Variants in CAPN8 observed in about 807,000 individuals in gnomAD.
The protein encoded by CAPN8 is calpain 8.
CAPN8 carries 87 observed loss-of-function variants against 80.9 expected under a neutral mutation model. The observed-to-expected ratio is 1.07, with a 90% CI of 0.90 to 1.28. CAPN8 has a LOEUF of 1.28. Ranked by LOEUF, CAPN8 falls within the 50% of genes most tolerant of loss-of-function variation. The pLI is 0.00. For synonymous variants in CAPN8, 299 were observed against 273.8 expected (o/e 1.09, Z -0.91); for missense variants, 757 against 702.0 (o/e 1.08, Z -0.89).
Position 223,543,108 on chromosome 1 carries a change from CT to C in CAPN8, c.2087del (p.Glu696GlyfsTer34), listed in dbSNP as rs1470578249. On this transcript the variant is annotated frameshift_variant and splice_region_variant, in exon 20 of 21. Transcript: ENST00000366872. LOFTEE classifies it high-confidence loss of function. ...KDGMVQLSLA[E>X]WLCCVLV Reference sequence around the variant, plus strand: ...ATTCATCAAACCTCAGGACATTCACCTCGGCCAGAGAGAGCTGAACCATGCC... The same window carrying C: ...ATTCATCAAACCTCAGGACATTCACCCGGCCAGAGAGAGCTGAACCATGCC... The C allele has an allele frequency of 6.4e-7, 1 of 1,551,540 alleles. No homozygotes were observed. Among genetic ancestry groups the C allele is most frequent in the African/African-American group, 1.4e-5 (1 of 73,036 alleles).
chr1:223,625,967 A>G (rs1165176723), intron 5 of CAPN8, 79 bp from the exon 6 acceptor site: 5 of 1,141,418 alleles, frequency 4.4e-6, no homozygotes, highest in Non-Finnish European at 5.1e-6. Context: ...CCAAGGACAC[A>G]CTACACAGCC....
rs537025645 is a variant in CAPN8 at position 223,663,373 on chromosome 1, G to C, written c.237+2037C>G. Among the ~76,000 whole-genome samples, 3 of 152,250 alleles carry C rather than the reference G, an allele frequency of 2.0e-5. No homozygotes were observed. The South Asian group carries it at 6.2e-4, about 32-fold the overall frequency. On this transcript the variant is annotated intron_variant, in intron 1 of 20. Coordinates refer to ENST00000366872, the MANE Select transcript of CAPN8 (RefSeq NM_001143962.2). ...CTCTCCCCCAAGACCCTTGGGATCT[G>C]CAATGGTACCCCTCCCTAAGGCTTT...
rs1246808896 is a variant in CAPN8 at position 223,609,247 on chromosome 1, G to A, written c.1441C>T (p.Pro481Ser). ...REVSGRARLP[P>S]GEYLVVPSTF... ...GATGGCACCACCAGGTACTCCCCAG[G>A]GGGCAGCCGGGCCCGGCCAGAGACC... The change falls in exon 12 of 21, where the codon CCT becomes TCT. Residue 481 changes from proline (P) to serine (S), a missense_variant. By Grantham distance (74) the Pro-to-Ser change is moderately conservative (BLOSUM62 -1). Transcript: ENST00000366872. 1 of 398,416 alleles carries A rather than the reference G, an allele frequency of 2.5e-6. No homozygotes were observed. The highest frequency in any genetic ancestry group is 1.3e-4 in the South Asian group (1 of 7,858). 24.7% of individuals were successfully genotyped at this position (398,416 alleles called of 1,614,324 possible).
At chr1:223,546,960 C>T (rs1656640301) in intron 16 of CAPN8, among the ~76,000 whole-genome samples, 1 of 152,066 alleles carries the variant, frequency 6.6e-6, no homozygotes, top group South Asian at 2.1e-4. Context: ...CTCACCCAGG[C>T]TGGAGTGTAG....
intron 1 of CAPN8, among the ~76,000 whole-genome samples, chr1:223,662,404 G>C (rs543008747): frequency 1.1e-4 from 16 of 151,796 alleles, no homozygotes; most frequent in Non-Finnish European, 2.2e-4. Flanking sequence ...AGCCAAGATC[G>C]CGCCACTGCA....
At chr1:223,652,410 T>C (rs1658366660) in intron 2 of CAPN8, among the ~76,000 whole-genome samples, 1 of 152,114 alleles carries the variant, frequency 6.6e-6, no homozygotes, top group African/African-American at 2.4e-5. Context: ...ACAATCTGTG[T>C]TGTACTCTGA....
At chr1:223,544,684 T>A in intron 18 of CAPN8, 88 bp downstream of exon 18, 1 of 1,523,174 alleles carries the variant, frequency 6.6e-7, no homozygotes, top group Admixed American at 2.0e-5. Flanking sequence ...CTACAAATGA[T>A]GATCATTAGC....
chr1:223,544,039 G>A (rs1656544947), intron 19 of CAPN8, 28 bp downstream of exon 19: 1 of 716,886 alleles, frequency 1.4e-6, no homozygotes, highest in South Asian at 1.5e-5. Context: ...GGATTAATAG[G>A]ATGGGGCTGG....
chr1:223,651,615 T>C (rs1191604159), intron 2 of CAPN8, among the ~76,000 whole-genome samples: 1 of 152,166 alleles, frequency 6.6e-6, no homozygotes, highest in Non-Finnish European at 1.5e-5. Flanking sequence ...TGCTGGCAAA[T>C]AGCCTAACAC....
rs185104038 is a variant in CAPN8, at chr1:223,625,751, G to T, written c.813+54C>A. On this transcript the variant is annotated intron_variant, in intron 6 of 20. Coordinates refer to ENST00000366872, the MANE Select transcript of CAPN8 (RefSeq NM_001143962.2). ...TCTTTCCTCCTGTCGAGATGGCTTG[G>T]ATTCATGGAAATATTATCACACGTT... The T allele has an allele frequency of 2.5e-5, 36 of 1,462,540 alleles. No homozygotes were observed. The Admixed American group carries it at 4.7e-4, about 19-fold the overall frequency. 90.6% of individuals were successfully genotyped at this position (1,462,540 alleles called of 1,614,324 possible).
Position 223,621,863 on chromosome 1 carries a change from AT to A in CAPN8, c.899+951del, listed in dbSNP as rs879661484. Among the ~76,000 whole-genome samples the A allele has an allele frequency of 1.7e-3, 248 of 145,894 alleles. 1 individual carries two copies. The highest frequency in any genetic ancestry group is 3.5e-3 in the Middle Eastern group (1 of 284). On this transcript the variant is annotated intron_variant, in intron 7 of 20. Transcript: ENST00000366872. ...TCTTTGTCCATGAGACTGGCTAATT[AT>A]TTTTTTTTTTTAAATGGAGTCTTGC...
In CAPN8 at chr1:223,619,468, C is replaced by T. The variant is rs1311949892; in HGVS notation, c.975-15G>A. 1.3e-6 allele frequency: 2 copies of T among 1,551,224 alleles called. No individual in the cohort carries two copies. The highest frequency in any genetic ancestry group is 1.2e-5 in the South Asian group (1 of 84,054). On this transcript the variant is annotated splice_polypyrimidine_tract_variant and intron_variant, in intron 8 of 20. Transcript: ENST00000366872. ...AAAGTGACATCCTGGGGCAGAGGCA[C>T]CAGAGGGCTCTCAGTGAAGAGGGCT...
At chr1:223,617,034 T>G (rs1657211609) in intron 9 of CAPN8, 1 of 152,152 alleles carries the variant, frequency 6.6e-6, no homozygotes, top group African/African-American at 2.4e-5. Context: ...AGAGCAAAAT[T>G]GCAGAAGGCA....
intron 20 of CAPN8, 45 bp from the exon 21 acceptor site, chr1:223,541,904 T>G (rs2102683998): frequency 6.4e-7 from 1 of 1,551,324 alleles, no homozygotes; most frequent in East Asian, 2.4e-5. Context: ...TCTCAGGGGC[T>G]GGTGTGCTTT....
chr1:223,663,362 C>T (rs529577333), intron 1 of CAPN8, among the ~76,000 whole-genome samples: 1 of 152,176 alleles, frequency 6.6e-6, no homozygotes, highest in African/African-American at 2.4e-5. Context: ...CCCCCAAGAC[C>T]CTTGGGATCT....
At chr1:223,625,072 G>A (rs1050090191) in intron 6 of CAPN8, among the ~76,000 whole-genome samples, 7 of 152,102 alleles carry the variant, frequency 4.6e-5, no homozygotes, top group Non-Finnish European at 7.3e-5. Context: ...CAGCCTGGGC[G>A]ACAGAGCGAG....
At chr1:223,544,314 C>G (rs1656558118) in intron 18 of CAPN8, 131 bp from the exon 19 acceptor site, 1 of 622,762 alleles carries the variant, frequency 1.6e-6, no homozygotes. Context: ...AGGCCTGACT[C>G]TGCCTTCTCC....
intron 1 of CAPN8, among the ~76,000 whole-genome samples, chr1:223,655,541 C>A (rs1266807476): frequency 6.6e-6 from 1 of 152,194 alleles, no homozygotes; most frequent in Non-Finnish European, 1.5e-5. Context: ...CCACGTAGTT[C>A]TTGGCCTCAA....
At chr1:223,633,961 G>C (rs1657844073) in intron 2 of CAPN8, among the ~76,000 whole-genome samples, 1 of 152,186 alleles carries the variant, frequency 6.6e-6, no homozygotes, top group South Asian at 2.1e-4. Flanking sequence ...ACATTACCTT[G>C]AGGTTGAACA....
Sources: allele counts gnomAD v4.1 joint callset (sites outside exome capture counted in the v4.1 genomes callset), GRCh38; gene constraint gnomAD v4.1.1; transcripts MANE v1.5; gene names NCBI Gene and HGNC (gene_info 2026-07-23, HGNC 2026-07-21).